CAPZA2: variants seen among roughly 807,000 people sequenced by gnomAD.
CAPZA2 encodes the protein capping actin protein of muscle Z-line subunit alpha 2.
Under a neutral mutation model 44.0 loss-of-function variants are expected in CAPZA2, and 13 were observed. The observed-to-expected ratio is 0.30, with a 90% CI of 0.19 to 0.47. The LOEUF (loss-of-function observed/expected upper bound fraction) is 0.47. CAPZA2 is among the 20% of genes least tolerant of loss of function. CAPZA2 has a pLI of 1.00. For missense variants in CAPZA2, 244 were observed against 338.6 expected (o/e 0.72, Z 2.19); for synonymous variants, 94 against 108.2 (o/e 0.87, Z 0.81).
At chr7:116,896,588 A>C (rs1796932064) in intron 3 of CAPZA2, among the ~76,000 whole-genome samples, 1 of 152,132 alleles carries the variant, frequency 6.6e-6, no homozygotes, top group Non-Finnish European at 1.5e-5. Flanking sequence ...TGATGTGGCT[A>C]AACTTAGGGA....
chr7:116,896,035 A>G (rs1485278799), intron 3 of CAPZA2, among the ~76,000 whole-genome samples: 1 of 152,160 alleles, frequency 6.6e-6, no homozygotes, highest in African/African-American at 2.4e-5. Context: ...CACTAGGGTA[A>G]GTGTATAGCT....
intron 1 of CAPZA2, among the ~76,000 whole-genome samples, chr7:116,881,901 C>G (rs757918823): frequency 1.6e-4 from 25 of 151,920 alleles, no homozygotes; most frequent in Non-Finnish European, 7.4e-5. Context: ...TTTTCATGAC[C>G]CTAACTCTTT....
intron 1 of CAPZA2, among the ~76,000 whole-genome samples, chr7:116,871,872 T>C (rs1796557769): frequency 6.6e-6 from 1 of 152,266 alleles, no homozygotes; most frequent in South Asian, 2.1e-4. Flanking sequence ...CTAGCCTGTA[T>C]TAAATCAGTG....
At chr7:116,914,428 T>TACACAC (rs1413792289) in intron 8 of CAPZA2, among the ~76,000 whole-genome samples, 1 of 114,280 alleles carries the variant, frequency 8.8e-6, no homozygotes, top group Non-Finnish European at 1.8e-5. Flanking sequence ...TACATATACA[T>TACACAC]ACATACACAC....
intron 1 of CAPZA2, among the ~76,000 whole-genome samples, chr7:116,885,743 G>A (rs1436967845): frequency 6.6e-6 from 1 of 152,112 alleles, no homozygotes; most frequent in East Asian, 1.9e-4. Context: ...GGTGAGGTAT[G>A]GAGGAGGGGA....
chr7:116,874,090 A>C (rs1291516459), intron 1 of CAPZA2: 2 of 153,296 alleles, frequency 1.3e-5, no homozygotes. Context: ...ACTTTTTCTG[A>C]GATATCACTC....
intron 9 of CAPZA2, 34 bp from the exon 10 acceptor site, chr7:116,917,693 T>C (rs763508962): frequency 4.0e-6 from 6 of 1,499,416 alleles, no homozygotes; most frequent in Non-Finnish European, 5.6e-6. Context: ...TGTTCTTTGC[T>C]TTACTTTAAA....
chr7:116,865,177 CTTTTTTT>C (rs1011886318), intron 1 of CAPZA2, among the ~76,000 whole-genome samples: 12 of 87,988 alleles, frequency 1.4e-4, no homozygotes, highest in African/African-American at 2.6e-4. Flanking sequence ...GCGCTCTCTT[CTTTTTTT>C]TTTTTTTTTT....
At chr7:116,862,948 G>A (rs2115854576) in intron 1 of CAPZA2, among the ~76,000 whole-genome samples, 1 of 152,176 alleles carries the variant, frequency 6.6e-6, no homozygotes, top group Admixed American at 6.5e-5. Flanking sequence ...GGGGAGGGCG[G>A]CGGCTGCCCA....
rs1352049149 is a variant in CAPZA2 at position 116,920,611 on chromosome 7, A to G, written c.*2744A>G. 2 of 152,476 alleles carry G rather than the reference A, an allele frequency of 1.3e-5. No homozygotes were observed. Among genetic ancestry groups the G allele is most frequent in the East Asian group, 3.9e-4 (2 of 5,182 alleles). 9.4% of individuals were successfully genotyped at this position (152,476 alleles called of 1,614,324 possible). A position where few individuals can be genotyped will look rare whatever the true frequency, so the allele number is the denominator to read the frequency against. ...AATTGAGGAAGATTCTTGTAGGAGC[A>G]AGTTGGTTTGGAGAAGAAGGCTGGT... On this transcript the variant is annotated 3_prime_UTR_variant, in exon 10 of 10. Transcript: ENST00000361183.
chr7:116,880,177 C>A, intron 1 of CAPZA2: 1 of 447,610 alleles, frequency 2.2e-6, no homozygotes, highest in South Asian at 1.7e-5. Flanking sequence ...GATGCCATAT[C>A]AAAAAAGTAC....
At chr7:116,911,983 G>T (rs1791603029) in intron 7 of CAPZA2, 86 bp from the exon 8 acceptor site, 4 of 1,581,894 alleles carry the variant, frequency 2.5e-6, no homozygotes, top group Non-Finnish European at 3.4e-6. Context: ...GAAATATGTA[G>T]TCAGTCTGCA....
chr7:116,899,578 GAT>G (rs1409913664), intron 4 of CAPZA2, among the ~76,000 whole-genome samples: 2 of 151,226 alleles, frequency 1.3e-5, no homozygotes, highest in African/African-American at 2.4e-5. Flanking sequence ...CTTATTTATA[GAT>G]ATGTGTGTGT....
intron 1 of CAPZA2, chr7:116,876,333 TC>T (rs1351824303): frequency 6.6e-6 from 1 of 152,170 alleles, no homozygotes; most frequent in Non-Finnish European, 1.5e-5. Flanking sequence ...ATGTTTTCGT[TC>T]CTATGAAGGA....
At chr7:116,905,447 A>G (rs1236780522) in intron 5 of CAPZA2, among the ~76,000 whole-genome samples, 1 of 152,128 alleles carries the variant, frequency 6.6e-6, no homozygotes, top group African/African-American at 2.4e-5. Flanking sequence ...TAACTCTACC[A>G]TATATCCTAG....
Position 116,910,217 on chromosome 7 carries a change from T to C in CAPZA2, c.507-16T>C. 1 of 1,393,004 alleles carries C rather than the reference T, an allele frequency of 7.2e-7. No homozygotes were observed. Among genetic ancestry groups the C allele is most frequent in the Non-Finnish European group, 1.0e-6 (1 of 978,332 alleles). The allele number at this position is 1,393,004 out of a possible 1,614,324, so 86.3% of individuals were successfully genotyped here. The stretch of plus-strand genomic sequence containing the variant: ...TTTTCCCTACCTTATTTACAGCTGC[T>C]GTTTTTATTTTTAAGGAATGGTCGT... On this transcript the variant is annotated splice_polypyrimidine_tract_variant and intron_variant, in intron 6 of 9. Coordinates refer to ENST00000361183, the MANE Select transcript of CAPZA2 (RefSeq NM_006136.3).
chr7:116,909,918 C>G (rs1285135464), intron 6 of CAPZA2: 4 of 275,752 alleles, frequency 1.5e-5, no homozygotes, highest in Non-Finnish European at 2.1e-5. Context: ...AAACCTGTAA[C>G]TGATTGTGAT....
intron 3 of CAPZA2, among the ~76,000 whole-genome samples, chr7:116,896,365 C>T (rs1012629143): frequency 2.6e-5 from 4 of 152,106 alleles, no homozygotes; most frequent in Non-Finnish European, 2.9e-5. Flanking sequence ...ATTCAACAGA[C>T]ATTGCTAGAC....
chr7:116,889,156 T>TA, intron 2 of CAPZA2, among the ~76,000 whole-genome samples: 1 of 152,354 alleles, frequency 6.6e-6, no homozygotes, highest in East Asian at 1.9e-4. Context: ...ACTGTAGCAA[T>TA]AGCTGCTCCT....
Sources: gnomAD v4.1 joint callset for allele counts (sites outside exome capture counted in the v4.1 genomes callset) on GRCh38, gnomAD v4.1.1 for gene constraint, MANE v1.5 for transcripts, NCBI Gene and HGNC (gene_info 2026-07-23, HGNC 2026-07-21) for gene names.